Variants in DLEU7 observed in about 807,000 individuals in gnomAD.
DLEU7 encodes leukemia-associated protein 7.
A neutral mutation model predicts 16.0 loss-of-function variants in DLEU7; 17 were observed. The ratio of observed to expected loss-of-function variants is 1.06; its 90% CI spans 0.73 to 1.59. The LOEUF is 1.59. DLEU7 is among the 40% of genes most tolerant of loss of function. The pLI, the probability that DLEU7 is intolerant of heterozygous loss-of-function variation, is 0.00. For synonymous variants in DLEU7, 113 were observed against 139.8 expected (o/e 0.81, Z 1.35); for missense variants, 308 against 314.9 (o/e 0.98, Z 0.17).
At chr13:50,842,398 G>A (rs1877696051) in intron 1 of DLEU7, among the ~76,000 whole-genome samples, 2 of 152,114 alleles carry the variant, frequency 1.3e-5, no homozygotes, top group African/African-American at 2.4e-5. Flanking sequence ...AGAGAGATTC[G>A]TGACCTTAAA....
chr13:50,736,393 C>A (rs1874070607), intron 1 of DLEU7, among the ~76,000 whole-genome samples: 1 of 152,054 alleles, frequency 6.6e-6, no homozygotes, highest in African/African-American at 2.4e-5. Flanking sequence ...GAATAAATAA[C>A]TATCGGGTAC....
intron 1 of DLEU7, among the ~76,000 whole-genome samples, chr13:50,737,590 A>G (rs2812249): frequency 0.092 from 14,050 of 152,090 alleles, 670 homozygotes; most frequent in East Asian, 0.15. Flanking sequence ...TGATGTTACT[A>G]TTGTAATTGT....
chr13:50,784,301 G>A (rs2137768019), intron 1 of DLEU7, among the ~76,000 whole-genome samples: 1 of 152,292 alleles, frequency 6.6e-6, no homozygotes, highest in South Asian at 2.1e-4. Flanking sequence ...ATTTTTCACA[G>A]CTCCTTAGAG....
intron 1 of DLEU7, among the ~76,000 whole-genome samples, chr13:50,744,629 G>T (rs1874342272): frequency 6.6e-6 from 1 of 152,114 alleles, no homozygotes; most frequent in Non-Finnish European, 1.5e-5. Context: ...GAGTGAAGAG[G>T]CAATTCATGG....
intron 1 of DLEU7, among the ~76,000 whole-genome samples, chr13:50,824,535 A>G (rs1351456255): frequency 6.6e-6 from 1 of 152,158 alleles, no homozygotes. Context: ...TTTAAAGATT[A>G]TTTTAGCTGC....
chr13:50,783,073 A>G (rs2137766981), intron 1 of DLEU7, among the ~76,000 whole-genome samples: 1 of 152,356 alleles, frequency 6.6e-6, no homozygotes, highest in Middle Eastern at 3.4e-3. Flanking sequence ...ACCTCAACCA[A>G]TAGGGGTTGG....
intron 1 of DLEU7, among the ~76,000 whole-genome samples, chr13:50,723,606 T>A (rs1474288078): frequency 6.6e-6 from 1 of 152,122 alleles, no homozygotes; most frequent in Non-Finnish European, 1.5e-5. Context: ...ACAGTCACCT[T>A]CTTGCTGTGT....
chr13:50,783,804 T>A (rs200702615), intron 1 of DLEU7, among the ~76,000 whole-genome samples: 1 of 152,174 alleles, frequency 6.6e-6, no homozygotes, highest in African/African-American at 2.4e-5. Context: ...AGACACTTTT[T>A]TACACACCCA....
chr13:50,727,998 G>A (rs1175718708), intron 1 of DLEU7, among the ~76,000 whole-genome samples: 1 of 152,172 alleles, frequency 6.6e-6, no homozygotes, highest in Non-Finnish European at 1.5e-5. Flanking sequence ...CTGAGAGTTT[G>A]CATTTCTAAC....
chr13:50,813,431 G>A (rs2137792708), intron 1 of DLEU7, among the ~76,000 whole-genome samples: 1 of 152,118 alleles, frequency 6.6e-6, no homozygotes, highest in African/African-American at 2.4e-5. Context: ...GAAATACCAT[G>A]CATTATTTTT....
chr13:50,720,501 G>A (rs1873572585), intron 1 of DLEU7, among the ~76,000 whole-genome samples: 1 of 152,170 alleles, frequency 6.6e-6, no homozygotes, highest in South Asian at 2.1e-4. Context: ...CATGCAACCT[G>A]TGTGAAAGAC....
At chr13:50,791,250 C>T (rs1458945922) in intron 1 of DLEU7, among the ~76,000 whole-genome samples, 2 of 152,184 alleles carry the variant, frequency 1.3e-5, no homozygotes, top group Admixed American at 1.3e-4. Context: ...TGTGCAGGGT[C>T]AGGCAGGGTT....
At chr13:50,841,231 C>A (rs768646032) in intron 1 of DLEU7, among the ~76,000 whole-genome samples, 92 of 152,166 alleles carry the variant, frequency 6.0e-4, no homozygotes, top group Non-Finnish European at 1.2e-3. Flanking sequence ...CAGGCCTTTC[C>A]CTAACTGGCC....
At chr13:50,752,174 C>G (rs1225612984) in intron 1 of DLEU7, among the ~76,000 whole-genome samples, 1 of 151,700 alleles carries the variant, frequency 6.6e-6, no homozygotes, top group East Asian at 1.9e-4. Flanking sequence ...GCCTCAGCCT[C>G]CCTAGTAGCT....
Position 50,776,035 on chromosome 13 carries a change from A to G in DLEU7, c.460-62795T>C, listed in dbSNP as rs201361213. Among the ~76,000 whole-genome samples the G allele has an allele frequency of 9.9e-5, 15 of 152,276 alleles. No individual in the cohort carries two copies. The East Asian group carries it at 2.7e-3, about 27-fold the overall frequency. ...TTTTTCAAATCAGCCTTTTATTCCC[A>G]TGAAGATGTTGTTTGTTTCTTACAT... On this transcript the variant is annotated intron_variant, in intron 1 of 1. Coordinates refer to the DLEU7 transcript ENST00000400393.
chr13:50,767,471 A>C (rs995334411), intron 1 of DLEU7, among the ~76,000 whole-genome samples: 4 of 151,494 alleles, frequency 2.6e-5, no homozygotes, highest in Admixed American at 6.6e-5. Context: ...AAAAAAAAAA[A>C]AAAAAAACTC....
intron 1 of DLEU7, chr13:50,713,284 T>G: frequency 6.3e-7 from 1 of 1,588,114 alleles, no homozygotes; most frequent in Non-Finnish European, 8.6e-7. Flanking sequence ...TGCTTTGCAT[T>G]TTTTATATTC....
At chr13:50,800,671 T>G (rs1243321480) in intron 1 of DLEU7, among the ~76,000 whole-genome samples, 2 of 152,114 alleles carry the variant, frequency 1.3e-5, no homozygotes, top group Admixed American at 1.3e-4. Flanking sequence ...AAGACCAAAA[T>G]AATCGTGCTG....
intron 1 of DLEU7, among the ~76,000 whole-genome samples, chr13:50,804,267 A>G (rs1566256617): frequency 6.6e-6 from 1 of 152,034 alleles, no homozygotes; most frequent in African/African-American, 2.4e-5. Context: ...ATATTCTTAT[A>G]GGACCTGTAT....
Sources: allele counts gnomAD v4.1 joint callset (sites outside exome capture counted in the v4.1 genomes callset), GRCh38; gene constraint gnomAD v4.1.1; transcripts MANE v1.5; gene names NCBI Gene and HGNC (gene_info 2026-07-23, HGNC 2026-07-21).